The following ATF3 variants were observed in gnomAD, a reference collection of about 807,000 sequenced individuals.
ATF3 encodes the protein activating transcription factor 3.
Under a neutral mutation model 18.4 loss-of-function variants are expected in ATF3, and 10 were observed. The observed-to-expected ratio is 0.54, with a 90% CI of 0.34 to 0.92. The LOEUF (loss-of-function observed/expected upper bound fraction) is 0.92, where lower values mean the gene tolerates loss of function less well. ATF3 is among the 40% of genes least tolerant of loss of function. ATF3 has a pLI of 0.02. For missense variants in ATF3, 183 were observed against 222.3 expected (o/e 0.82, Z 1.12); for synonymous variants, 78 against 87.9 (o/e 0.89, Z 0.63).
Position 212,620,406 on chromosome 1 carries a change from G to C in ATF3, c.*851G>C, listed in dbSNP as rs1655339260. The C allele has an allele frequency of 6.5e-6, 1 of 152,680 alleles. No individual in the cohort carries two copies. 9.5% of individuals were successfully genotyped at this position (152,680 alleles called of 1,614,324 possible). On this transcript the variant is annotated 3_prime_UTR_variant, in exon 4 of 4. Transcript: ENST00000341491. ...TTGTGTCTAGGCTGGAAGAGCCAAA[G>C]AATATTCCATTTTCCTTTCCTTGTG...
At chr1:212,608,415 G>A (rs986825719), upstream of ATF3, among the ~76,000 whole-genome samples, 1 of 152,072 alleles carries the variant, frequency 6.6e-6, no homozygotes, top group South Asian at 2.1e-4. Context: ...CATTGGTCAT[G>A]CCTGGAACAC....
At chr1:212,566,643 C>T (rs1664387963) in intron 1 of ATF3, among the ~76,000 whole-genome samples, 2 of 152,072 alleles carry the variant, frequency 1.3e-5, no homozygotes, top group Non-Finnish European at 1.5e-5. Flanking sequence ...CTGCTCAGTT[C>T]CTGTTCCTTT....
intron 1 of ATF3, among the ~76,000 whole-genome samples, chr1:212,566,423 G>T (rs1478005018): frequency 6.6e-6 from 1 of 152,132 alleles, no homozygotes. Context: ...TAAAATATGG[G>T]TTATTATGAG....
At chr1:212,585,943 C>T (rs1014523263) in intron 1 of ATF3, among the ~76,000 whole-genome samples, 3 of 152,164 alleles carry the variant, frequency 2.0e-5, no homozygotes, top group Non-Finnish European at 4.4e-5. Context: ...GGCACCCATC[C>T]TCCTGACTTC....
intron 1 of ATF3, among the ~76,000 whole-genome samples, chr1:212,592,225 C>T (rs1664901205): frequency 6.6e-6 from 1 of 152,164 alleles, no homozygotes; most frequent in South Asian, 2.1e-4. Flanking sequence ...ATTCCAGACA[C>T]TTCATCTAAG....
At chr1:212,582,339 T>G (rs1246027129) in intron 1 of ATF3, among the ~76,000 whole-genome samples, 4 of 152,200 alleles carry the variant, frequency 2.6e-5, no homozygotes, top group Non-Finnish European at 5.9e-5. Flanking sequence ...TATTAATGCA[T>G]TTTCTTTTGC....
chr1:212,574,441 T>C (rs1664538132), intron 1 of ATF3, among the ~76,000 whole-genome samples: 1 of 152,082 alleles, frequency 6.6e-6, no homozygotes, highest in African/African-American at 2.4e-5. Context: ...CTCATTTTGG[T>C]ATATTCATCA....
intron 1 of ATF3, among the ~76,000 whole-genome samples, chr1:212,582,284 G>A (rs1664696968): frequency 6.6e-6 from 1 of 152,172 alleles, no homozygotes; most frequent in African/African-American, 2.4e-5. Flanking sequence ...CACCTTTTAG[G>A]AAGGAACCAG....
intron 2 of ATF3, among the ~76,000 whole-genome samples, chr1:212,615,580 T>G (rs1655087760): frequency 6.6e-6 from 1 of 151,770 alleles, no homozygotes; most frequent in Non-Finnish European, 1.5e-5. Flanking sequence ...GAGGCCAAGA[T>G]GGGATTATCG....
chr1:212,573,187 T>C (rs1423006025), intron 1 of ATF3, among the ~76,000 whole-genome samples: 1 of 152,158 alleles, frequency 6.6e-6, no homozygotes, highest in Admixed American at 6.5e-5. Context: ...TATATCTTTG[T>C]TTTGGTCCTG....
intron 1 of ATF3, among the ~76,000 whole-genome samples, chr1:212,581,942 A>T (rs1315059003): frequency 2.0e-5 from 3 of 152,184 alleles, no homozygotes; most frequent in African/African-American, 7.2e-5. Context: ...TAATGAATAT[A>T]AAAAAAGCAA....
At chr1:212,594,731 G>A (rs980843506) in intron 1 of ATF3, among the ~76,000 whole-genome samples, 13 of 152,198 alleles carry the variant, frequency 8.5e-5, no homozygotes, top group African/African-American at 2.4e-4. Flanking sequence ...GAAGCGCCCC[G>A]CCTGATCCCT....
At chr1:212,609,158 T>C (rs6666492) in intron 1 of ATF3, among the ~76,000 whole-genome samples, 12,771 of 152,262 alleles carry the variant, frequency 0.084, 721 homozygotes, top group Middle Eastern at 0.16. Context: ...TCTTTTGACT[T>C]GGGGCGCGAA....
rs541397959 is a variant in ATF3 at position 212,618,456 on chromosome 1, G to A, written c.348+222G>A. The stretch of plus-strand genomic sequence containing the variant: ...TGTATAAAAACAGGTGTGTGAATTC[G>A]TCTGATGCCTGACTCCCAGCAGCCT... On this transcript the variant is annotated intron_variant, in intron 3 of 3. Transcript: ENST00000341491. This position sits in a 1 kb window ranked among gnomAD's most constrained non-coding sequence, Gnocchi z 4.4. 4.8e-5 allele frequency: 27 copies of A among 565,266 alleles called. No homozygotes were observed. The East Asian group carries it at 5.4e-4, about 11-fold the overall frequency. 35.0% of individuals were successfully genotyped at this position (565,266 alleles called of 1,614,324 possible).
intron 1 of ATF3, chr1:212,565,596 G>A (rs1664368676): frequency 1.3e-5 from 2 of 152,362 alleles, no homozygotes; most frequent in East Asian, 1.9e-4. Flanking sequence ...GGCCCTGCTG[G>A]GTGGGTGCCA....
chr1:212,595,522 C>T (rs1318436807), intron 1 of ATF3, among the ~76,000 whole-genome samples: 4 of 152,238 alleles, frequency 2.6e-5, no homozygotes, highest in Non-Finnish European at 2.9e-5. Flanking sequence ...TTTGCTCTGA[C>T]TGGTCACCCA....
chr1:212,610,416 CA>C (rs2102650787), intron 1 of ATF3, among the ~76,000 whole-genome samples: 1 of 152,254 alleles, frequency 6.6e-6, no homozygotes, highest in Non-Finnish European at 1.5e-5. Context: ...CATTGTTTTG[CA>C]GTTAGCATTG....
In ATF3 at chr1:212,619,573, G is replaced by A. The variant is rs771844032; in HGVS notation, c.*18G>A. Reference sequence around the variant, plus strand: ...AGAGCTAAGCAGTCGTGGTATGGGGGCGACTGGGGAGTCCTCATTGAATCC... The same window carrying A: ...AGAGCTAAGCAGTCGTGGTATGGGGACGACTGGGGAGTCCTCATTGAATCC... On this transcript the variant is annotated 3_prime_UTR_variant, in exon 4 of 4. Coordinates refer to ENST00000341491, the MANE Select transcript of ATF3 (RefSeq NM_001674.4). This position sits in a 1 kb window ranked among gnomAD's most constrained non-coding sequence, Gnocchi z 4.4. 6.2e-7 allele frequency: 1 copy of A among 1,613,492 alleles called. No homozygotes were observed. The highest frequency in any genetic ancestry group is 1.3e-5 in the African/African-American group (1 of 74,880).
intron 1 of ATF3, among the ~76,000 whole-genome samples, chr1:212,594,395 GAATGA>G (rs1664950602): frequency 7.2e-6 from 1 of 138,246 alleles, no homozygotes. Flanking sequence ...CAGAGACTAT[GAATGA>G]AACAAACAAA....
Sources: allele counts gnomAD v4.1 joint callset (sites outside exome capture counted in the v4.1 genomes callset), GRCh38; gene constraint gnomAD v4.1.1; non-coding constraint Gnocchi (gnomAD v3.1); transcripts MANE v1.5; gene names NCBI Gene and HGNC (gene_info 2026-07-23, HGNC 2026-07-21).